Variants in LSAMP observed in about 807,000 individuals in gnomAD.
The protein encoded by LSAMP is limbic system-associated membrane protein.
Under a neutral mutation model 38.6 loss-of-function variants are expected in LSAMP, and 7 were observed. That is an observed-to-expected ratio of 0.18 (90% CI 0.10 to 0.34). The LOEUF is 0.34. Ranked by LOEUF, LSAMP falls within the 10% of genes least tolerant of loss-of-function variation. The pLI is 1.00. For missense variants in LSAMP, 313 were observed against 420.0 expected, an observed-to-expected ratio of 0.75 and a Z score of 2.23; for synonymous variants, 154 against 166.8, an observed-to-expected ratio of 0.92 and a Z score of 0.59.
chr3:116,106,558 G>A (rs1038522519), intron 1 of LSAMP, among the ~76,000 whole-genome samples: 4 of 152,130 alleles, frequency 2.6e-5, no homozygotes, highest in Non-Finnish European at 5.9e-5. Context: ...AGCTTGGTGA[G>A]GTGTGTTTTT....
chr3:116,176,454 C>T (rs182455290), intron 1 of LSAMP, among the ~76,000 whole-genome samples: 2 of 152,242 alleles, frequency 1.3e-5, no homozygotes, highest in African/African-American at 4.8e-5. Flanking sequence ...GTTGCCCTGC[C>T]TCAACCGCTG....
chr3:115,860,867 G>C (rs529688830), intron 3 of LSAMP, among the ~76,000 whole-genome samples: 26 of 152,008 alleles, frequency 1.7e-4, no homozygotes, highest in Non-Finnish European at 3.5e-4. Context: ...AGAAGTCTCC[G>C]AGCAGGAAAA....
chr3:116,128,819 AAATT>A (rs980980717), intron 1 of LSAMP, among the ~76,000 whole-genome samples: 23 of 152,208 alleles, frequency 1.5e-4, no homozygotes, highest in Admixed American at 9.8e-4. Context: ...AAAGAGGGAA[AAATT>A]AATTCTCACT....
At chr3:116,342,143 A>G (rs1021820307) in intron 1 of LSAMP, among the ~76,000 whole-genome samples, 1 of 152,052 alleles carries the variant, frequency 6.6e-6, no homozygotes, top group Non-Finnish European at 1.5e-5. Flanking sequence ...TTTATTTGCC[A>G]TGATGTCATT....
Position 115,808,279 on chromosome 3 carries a change from A to T in LSAMP, c.*2038T>A, listed in dbSNP as rs1224001608. 1 of 151,396 alleles carries T rather than the reference A, an allele frequency of 6.6e-6. No individual in the cohort carries two copies. The highest frequency in any genetic ancestry group is 1.5e-5 in the Non-Finnish European group (1 of 67,934). 9.4% of individuals were successfully genotyped at this position (151,396 alleles called of 1,614,324 possible). A position where few individuals can be genotyped will look rare whatever the true frequency, so the allele number is the denominator to read the frequency against. ...CTATTTACAAGGTTCCAACTTAATG[A>T]CATACCATATTTGGCTCTGCAAGAT... On this transcript the variant is annotated 3_prime_UTR_variant, in exon 7 of 7. Coordinates refer to ENST00000490035, the MANE Select transcript of LSAMP (RefSeq NM_002338.5).
intron 3 of LSAMP, among the ~76,000 whole-genome samples, chr3:115,989,598 C>A (rs907629116): frequency 6.6e-6 from 1 of 151,984 alleles, no homozygotes; most frequent in Non-Finnish European, 1.5e-5. Context: ...GAAAAAAATG[C>A]TTGACTCTGT....
chr3:115,940,218 A>G (rs1462701391), intron 3 of LSAMP, among the ~76,000 whole-genome samples: 1 of 152,128 alleles, frequency 6.6e-6, no homozygotes, highest in African/African-American at 2.4e-5. Context: ...GAAGAGCAAA[A>G]GAACAAAGCT....
At chr3:116,119,498 A>G (rs1319811477) in intron 1 of LSAMP, among the ~76,000 whole-genome samples, 1 of 152,142 alleles carries the variant, frequency 6.6e-6, no homozygotes, top group Non-Finnish European at 1.5e-5. Context: ...AAGAAAGATA[A>G]AATAAAACAA....
At chr3:115,888,698 A>C (rs1936518259) in intron 3 of LSAMP, among the ~76,000 whole-genome samples, 1 of 151,886 alleles carries the variant, frequency 6.6e-6, no homozygotes, top group African/African-American at 2.4e-5. Flanking sequence ...TTGTTTTCAA[A>C]AATTCTCCCA....
intron 1 of LSAMP, among the ~76,000 whole-genome samples, chr3:116,188,777 A>T (rs554213531): frequency 2.4e-4 from 37 of 152,176 alleles, no homozygotes; most frequent in Non-Finnish European, 3.8e-4. Context: ...TTAAGAAATG[A>T]TGTCTTTCTC....
chr3:116,110,231 A>T (rs2107468953), intron 1 of LSAMP, among the ~76,000 whole-genome samples: 1 of 151,584 alleles, frequency 6.6e-6, no homozygotes, highest in African/African-American at 2.4e-5. Flanking sequence ...AGGGGTAGAG[A>T]CAAGGAGAGA....
intron 3 of LSAMP, among the ~76,000 whole-genome samples, chr3:115,999,325 C>G (rs1192498808): frequency 1.3e-5 from 2 of 152,154 alleles, no homozygotes; most frequent in Non-Finnish European, 2.9e-5. Flanking sequence ...TATCATTCTC[C>G]TCTCTGGCTA....
At chr3:115,905,284 CCTCT>C (rs991176438) in intron 3 of LSAMP, among the ~76,000 whole-genome samples, 21 of 152,102 alleles carry the variant, frequency 1.4e-4, no homozygotes, top group African/African-American at 5.1e-4. Context: ...AAAAGCATCA[CCTCT>C]CTCTCCTAGG....
intron 6 of LSAMP, among the ~76,000 whole-genome samples, chr3:115,840,692 C>T (rs1934969192): frequency 6.6e-6 from 1 of 152,170 alleles, no homozygotes. Context: ...TTTAACACTA[C>T]ATTTCAAGAG....
chr3:116,088,045 C>T (rs1708032193), intron 1 of LSAMP, among the ~76,000 whole-genome samples: 2 of 151,694 alleles, frequency 1.3e-5, no homozygotes, highest in African/African-American at 4.8e-5. Context: ...AGGTGCATGC[C>T]ACCAGGACTA....
chr3:116,097,726 A>G (rs979095062), intron 1 of LSAMP, among the ~76,000 whole-genome samples: 1 of 152,028 alleles, frequency 6.6e-6, no homozygotes, highest in Non-Finnish European at 1.5e-5. Flanking sequence ...TATGAAGAGC[A>G]AAAGAAGTCT....
chr3:115,849,198 T>A (rs1429244838), intron 4 of LSAMP, among the ~76,000 whole-genome samples: 1 of 152,236 alleles, frequency 6.6e-6, no homozygotes, highest in Non-Finnish European at 1.5e-5. Context: ...AGCCAATATT[T>A]TAGCTTTCCG....
At chr3:115,811,409 C>T (rs1042922337) in intron 6 of LSAMP, among the ~76,000 whole-genome samples, 2 of 152,128 alleles carry the variant, frequency 1.3e-5, no homozygotes, top group Non-Finnish European at 2.9e-5. Flanking sequence ...TGCTCATATT[C>T]CATTAAAGTG....
intron 3 of LSAMP, among the ~76,000 whole-genome samples, chr3:115,892,903 G>A (rs981715168): frequency 1.1e-4 from 17 of 151,112 alleles, no homozygotes; most frequent in African/African-American, 4.1e-4. Flanking sequence ...TCTTTTTAGG[G>A]CAGAAATCTG....
Sources: gnomAD v4.1 joint callset for allele counts (sites outside exome capture counted in the v4.1 genomes callset) on GRCh38, gnomAD v4.1.1 for gene constraint, MANE v1.5 for transcripts, NCBI Gene and HGNC (gene_info 2026-07-23, HGNC 2026-07-21) for gene names.